TMEM161B: variants seen among roughly 807,000 people sequenced by gnomAD.
TMEM161B encodes transmembrane protein 161B.
A neutral mutation model predicts 61.8 loss-of-function variants in TMEM161B; 34 were observed. The ratio of observed to expected loss-of-function variants is 0.55; its 90% CI spans 0.42 to 0.73. The LOEUF (loss-of-function observed/expected upper bound fraction) is 0.73. Ranked by LOEUF, TMEM161B falls within the 30% of genes least tolerant of loss-of-function variation. TMEM161B has a pLI of 0.00. For missense variants in TMEM161B, 456 were observed against 558.5 expected, an observed-to-expected ratio of 0.82 and a Z score of 1.85; for synonymous variants, 167 against 192.8, an observed-to-expected ratio of 0.87 and a Z score of 1.11.
At chr5:88,197,553 C>T (rs1030110101) in intron 11 of TMEM161B, 116 bp downstream of exon 11, 4 of 901,448 alleles carry the variant, frequency 4.4e-6, no homozygotes, top group South Asian at 1.9e-5. Flanking sequence ...GTTCTTTTTA[C>T]AACTTTTAAA....
intron 8 of TMEM161B, 198 bp downstream of exon 8, chr5:88,205,616 G>GTA (rs1330651991): frequency 8.0e-6 from 4 of 500,128 alleles, no homozygotes; most frequent in Non-Finnish European, 1.3e-5. Context: ...AATCGATGAT[G>GTA]TATCTTTTTA....
intron 1 of TMEM161B, among the ~76,000 whole-genome samples, chr5:88,261,185 A>C (rs940898765): frequency 2.0e-5 from 3 of 152,212 alleles, no homozygotes; most frequent in Non-Finnish European, 4.4e-5. Context: ...CACCCAGAAA[A>C]AAATGAATAC....
intron 2 of TMEM161B, among the ~76,000 whole-genome samples, chr5:88,234,043 C>T (rs1172682234): frequency 6.6e-6 from 1 of 151,942 alleles, no homozygotes; most frequent in Non-Finnish European, 1.5e-5. Flanking sequence ...TGGCCAAAAA[C>T]TAAGAAATGG....
intron 5 of TMEM161B, among the ~76,000 whole-genome samples, chr5:88,219,115 T>C (rs1478020484): frequency 6.6e-6 from 1 of 152,184 alleles, no homozygotes; most frequent in African/African-American, 2.4e-5. Flanking sequence ...CTACTCAAGA[T>C]GAAATTGACA....
rs1038219494 is a variant in TMEM161B, at chr5:88,196,016, A to C, written c.*195T>G. On this transcript the variant is annotated 3_prime_UTR_variant, in exon 12 of 12. Transcript: ENST00000296595. Reference sequence around the variant, plus strand: ...CCAATGCCACAGTGTAACAGTTAACAATCTATTTTGTAATTTTAAATATTA... The same window carrying C: ...CCAATGCCACAGTGTAACAGTTAACCATCTATTTTGTAATTTTAAATATTA... 9 of 1,370,706 alleles carry C rather than the reference A, an allele frequency of 6.6e-6. No individual in the cohort carries two copies. Among genetic ancestry groups the C allele is most frequent in the African/African-American group, 3.0e-5 (2 of 67,650 alleles). The allele number at this position is 1,370,706 out of a possible 1,614,324, so 84.9% of individuals were successfully genotyped here.
chr5:88,268,802 G>A lies in TMEM161B; in HGVS notation c.-79C>T, dbSNP rs1452626194. On this transcript the variant is annotated 5_prime_UTR_variant, in exon 1 of 12. Transcript: ENST00000296595. ...AAACCTCTTACCTCCCGGTCCTTGA[G>A]CCGAGAGACTCTCAAACAGCGAAAG... is the stretch of plus-strand genomic sequence containing the variant. 6.2e-6 allele frequency: 10 copies of A among 1,608,148 alleles called. No homozygotes were observed. Among genetic ancestry groups the A allele is most frequent in the African/African-American group, 4.0e-5 (3 of 74,756 alleles).
chr5:88,199,301 C>G, intron 9 of TMEM161B, 151 bp from the exon 10 acceptor site: 1 of 605,722 alleles, frequency 1.7e-6, no homozygotes, highest in Non-Finnish European at 2.7e-6. Flanking sequence ...ATAGACTTAA[C>G]TGTATAATAC....
intron 1 of TMEM161B, among the ~76,000 whole-genome samples, chr5:88,251,433 C>T (rs1216407949): frequency 6.6e-6 from 1 of 152,106 alleles, no homozygotes; most frequent in Non-Finnish European, 1.5e-5. Context: ...TCTAATCTTG[C>T]GGTCTTTCAC....
At chr5:88,207,539 T>C (rs1463705882) in intron 5 of TMEM161B, among the ~76,000 whole-genome samples, 1 of 152,212 alleles carries the variant, frequency 6.6e-6, no homozygotes, top group African/African-American at 2.4e-5. Context: ...TCCTCCGTAA[T>C]AATTCAACAA....
chr5:88,268,734 A>T lies in TMEM161B; in HGVS notation c.-11T>A. The T allele has an allele frequency of 6.2e-7, 1 of 1,614,062 alleles. No individual in the cohort carries two copies. The highest frequency in any genetic ancestry group is 8.5e-7 in the Non-Finnish European group (1 of 1,179,986). ...AGAAGAACTCACCATGGCGCCTAGG[A>T]TAGGTCGTGGACCAGACACCCTGGA... On this transcript the variant is annotated 5_prime_UTR_variant, in exon 1 of 12. Transcript: ENST00000296595.
chr5:88,201,997 T>C (rs1431239417), intron 9 of TMEM161B: 1 of 370,774 alleles, frequency 2.7e-6, no homozygotes, highest in Non-Finnish European at 5.4e-6. Flanking sequence ...TCTATTTTAA[T>C]TCTGATGAGG....
intron 4 of TMEM161B, among the ~76,000 whole-genome samples, chr5:88,223,525 CTTTAAATGT>C (rs1354296597): frequency 1.3e-5 from 2 of 152,124 alleles, no homozygotes; most frequent in East Asian, 3.9e-4. Flanking sequence ...GTCAAAGTGC[CTTTAAATGT>C]TTTAAATGTT....
In TMEM161B at chr5:88,197,627, T is replaced by C. The variant is rs1334546564; in HGVS notation, c.1186+42A>G. On this transcript the variant is annotated intron_variant, in intron 11 of 11. Transcript: ENST00000296595. The stretch of plus-strand genomic sequence containing the variant: ...GACAAAAAGCTTTATTAATTATAGG[T>C]AGAAAGTAAAAGATGCTTCCTAGTT... 9 of 1,477,534 alleles carry C rather than the reference T, an allele frequency of 6.1e-6. No homozygotes were observed. The African/African-American group carries it at 8.5e-5, about 14-fold the overall frequency. The allele number at this position is 1,477,534 out of a possible 1,614,324, so 91.5% of individuals were successfully genotyped here.
intron 1 of TMEM161B, among the ~76,000 whole-genome samples, chr5:88,267,085 T>C (rs1165192247): frequency 6.6e-6 from 1 of 152,186 alleles, no homozygotes; most frequent in East Asian, 1.9e-4. Context: ...CCTTCAACTT[T>C]TCAGACCAAA....
intron 1 of TMEM161B, among the ~76,000 whole-genome samples, chr5:88,251,942 C>T (rs1305059170): frequency 6.6e-6 from 1 of 152,098 alleles, no homozygotes; most frequent in Non-Finnish European, 1.5e-5. Context: ...TAGTAGCACA[C>T]TTGATTACTT....
intron 5 of TMEM161B, among the ~76,000 whole-genome samples, chr5:88,215,306 CAG>C (rs1747626555): frequency 1.3e-5 from 2 of 152,102 alleles, no homozygotes. Context: ...AGAAGCCAGA[CAG>C]GGGTTACTTC....
intron 1 of TMEM161B, among the ~76,000 whole-genome samples, chr5:88,261,732 A>T (rs1230033602): frequency 6.8e-6 from 1 of 146,274 alleles, no homozygotes; most frequent in African/African-American, 2.5e-5. Flanking sequence ...TTCATGTGCA[A>T]AAAAAAAAAA....
At chr5:88,227,309 C>T (rs1000179015) in intron 3 of TMEM161B, among the ~76,000 whole-genome samples, 1 of 152,166 alleles carries the variant, frequency 6.6e-6, no homozygotes, top group Non-Finnish European at 1.5e-5. Context: ...CAGTACGTAA[C>T]CTTACTAGTT....
At chr5:88,205,684 G>T in intron 8 of TMEM161B, 130 bp downstream of exon 8, 1 of 1,003,974 alleles carries the variant, frequency 1.0e-6, no homozygotes, top group Non-Finnish European at 1.4e-6. Context: ...GTTGAAAGAG[G>T]AAGTAGTGTG....
Sources: gnomAD v4.1 joint callset for allele counts (sites outside exome capture counted in the v4.1 genomes callset) on GRCh38, gnomAD v4.1.1 for gene constraint, MANE v1.5 for transcripts, NCBI Gene and HGNC (gene_info 2026-07-23, HGNC 2026-07-21) for gene names.